The following ENDOU variants were observed in gnomAD, a reference collection of about 807,000 sequenced individuals.
ENDOU encodes uridylate-specific endoribonuclease.
ENDOU carries 49 observed loss-of-function variants against 54.2 expected under a neutral mutation model. The ratio of observed to expected loss-of-function variants is 0.90; its 90% CI spans 0.72 to 1.15. The LOEUF is 1.15. ENDOU is among the 50% of genes most tolerant of loss of function. The pLI, the probability that ENDOU is intolerant of heterozygous loss-of-function variation, is 0.00. For synonymous variants in ENDOU, 172 were observed against 190.5 expected (o/e 0.90, Z 0.80); for missense variants, 458 against 511.4 (o/e 0.90, Z 1.01).
chr12:47,718,234 G>A (rs1381432219), intron 2 of ENDOU, 40 bp from the exon 3 acceptor site: 1 of 1,515,584 alleles, frequency 6.6e-7, no homozygotes, highest in Non-Finnish European at 9.0e-7. Flanking sequence ...AACAACCTGA[G>A]AATTCCCCTG....
In ENDOU at chr12:47,725,403, C is replaced by A. The variant is rs1348598937; in HGVS notation, c.11G>T (p.Cys4Phe). ...CAGCACGGCCAATACCAGGGAGATG[C>A]AGGCCCTCATGGTGCCCAGTTGGAG... MRA[C>F]ISLVLAVLCG... The change falls in exon 1 of 10, where the codon TGC (cysteine) becomes TTC (phenylalanine). Residue 4 changes from cysteine (C) to phenylalanine (F), a missense_variant. Coordinates refer to ENST00000422538, the MANE Select transcript of ENDOU (RefSeq NM_001172439.2). 6.2e-7 allele frequency: 1 copy of A among 1,614,144 alleles called. No homozygotes were observed. Among genetic ancestry groups the A allele is most frequent in the Admixed American group, 1.7e-5 (1 of 60,026 alleles).
intron 1 of ENDOU, among the ~76,000 whole-genome samples, chr12:47,724,332 C>G (rs1252657798): frequency 6.6e-6 from 1 of 152,190 alleles, no homozygotes; most frequent in African/African-American, 2.4e-5. Context: ...ACTATCTCAT[C>G]CATGGTTGGG....
chr12:47,721,531 G>T (rs868137080), intron 1 of ENDOU, among the ~76,000 whole-genome samples: 1 of 152,030 alleles, frequency 6.6e-6, no homozygotes, highest in Admixed American at 6.6e-5. Flanking sequence ...TTCTCTGCAC[G>T]CTCTTTCCCC....
At chr12:47,723,026 G>T (rs374064965) in intron 1 of ENDOU, among the ~76,000 whole-genome samples, 61 of 152,332 alleles carry the variant, frequency 4.0e-4, no homozygotes, top group African/African-American at 1.4e-3. Flanking sequence ...CAAAGGGAGA[G>T]AATTCAGGCA....
chr12:47,712,732 C>G (rs896810383), intron 7 of ENDOU, 110 bp from the exon 8 acceptor site: 6 of 778,064 alleles, frequency 7.7e-6, no homozygotes, highest in South Asian at 1.7e-5. Flanking sequence ...TCTCTGACTT[C>G]TAGCTGCTTG....
intron 1 of ENDOU, among the ~76,000 whole-genome samples, chr12:47,721,451 A>C (rs1307383981): frequency 6.6e-6 from 1 of 151,878 alleles, no homozygotes; most frequent in African/African-American, 2.4e-5. Flanking sequence ...CCTGCCCCTG[A>C]CCCTCCGCTG....
At chr12:47,723,156 G>A (rs575062390) in intron 1 of ENDOU, among the ~76,000 whole-genome samples, 71 of 152,244 alleles carry the variant, frequency 4.7e-4, no homozygotes, top group Middle Eastern at 3.4e-3. Context: ...GGACGTGCAG[G>A]AGAGCACCCC....
At chr12:47,715,238 T>G (rs1940186188) in intron 6 of ENDOU, among the ~76,000 whole-genome samples, 1 of 152,130 alleles carries the variant, frequency 6.6e-6, no homozygotes, top group Non-Finnish European at 1.5e-5. Context: ...CGGTGGGATA[T>G]GAATTATCAT....
intron 6 of ENDOU, among the ~76,000 whole-genome samples, chr12:47,715,077 A>G (rs559087393): frequency 1.3e-5 from 2 of 152,348 alleles, no homozygotes; most frequent in East Asian, 3.9e-4. Context: ...GAGAGGTCAA[A>G]TAAATTGCCC....
At chr12:47,723,370 G>A (rs1473528385) in intron 1 of ENDOU, among the ~76,000 whole-genome samples, 1 of 152,162 alleles carries the variant, frequency 6.6e-6, no homozygotes, top group Non-Finnish European at 1.5e-5. Context: ...ACTCTGATGA[G>A]TAACTAGTCA....
chr12:47,720,100 C>A (rs140933733), intron 2 of ENDOU: 1 of 152,440 alleles, frequency 6.6e-6, no homozygotes, highest in East Asian at 1.9e-4. Flanking sequence ...GGCTTGACAT[C>A]AAGGCTTTGT....
At chr12:47,720,694 C>A in intron 2 of ENDOU, 59 bp downstream of exon 2, 1 of 1,520,958 alleles carries the variant, frequency 6.6e-7, no homozygotes, top group Non-Finnish European at 8.8e-7. Flanking sequence ...CTGCTGGACA[C>A]CCAGGCCAGT....
In ENDOU at chr12:47,717,346, A is replaced by G. The variant is rs554595812; in HGVS notation, c.382+172T>C. On this transcript the variant is annotated intron_variant, in intron 4 of 9. Transcript: ENST00000422538. ...GAGGCCCTGGTAGTACAGGACAGTG[A>G]GTCCCATCCCTAGAGTTTCTAATTA... The G allele has an allele frequency of 4.7e-5, 35 of 745,826 alleles. 1 individual carries two copies. The African/African-American group carries it at 6.0e-4, about 13-fold the overall frequency. 46.2% of individuals were successfully genotyped at this position (745,826 alleles called of 1,614,324 possible). A position where few individuals can be genotyped will look rare whatever the true frequency, so the allele number is the denominator to read the frequency against.
In ENDOU at chr12:47,710,702, G is replaced by T; in HGVS notation, c.*100C>A. ...AATGCTTCTCATTGCTTTGAGATTT[G>T]GTGATCCCTTCCAGTCCTCTCCCTC... On this transcript the variant is annotated 3_prime_UTR_variant, in exon 10 of 10. Transcript: ENST00000422538. 1 of 789,484 alleles carries T rather than the reference G, an allele frequency of 1.3e-6. No homozygotes were observed. The highest frequency in any genetic ancestry group is 2.2e-6 in the Non-Finnish European group (1 of 448,362). The allele number at this position is 789,484 out of a possible 1,614,324, so 48.9% of individuals were successfully genotyped here. A position where few individuals can be genotyped will look rare whatever the true frequency, so the allele number is the denominator to read the frequency against.
At position 47,710,909 on chromosome 12, in the gene ENDOU, T is replaced by C; in HGVS notation, c.1126A>G (p.Ser376Gly). The change falls in exon 10 of 10, where the codon AGC becomes GGC. Residue 376 changes from serine to glycine, a missense_variant. Coordinates refer to ENST00000422538, the MANE Select transcript of ENDOU (RefSeq NM_001172439.2). ...IARPGKVCQL[S>G]LGGYPLAVRT... Reference sequence around the variant, plus strand: ...ACAGCTAAGGGATATCCTCCCAGGCTTAACTGGCACCTGTGGGGAAAGAGC... The same window carrying C: ...ACAGCTAAGGGATATCCTCCCAGGCCTAACTGGCACCTGTGGGGAAAGAGC... 2 of 1,609,826 alleles carry C rather than the reference T, an allele frequency of 1.2e-6. No homozygotes were observed. The highest frequency in any genetic ancestry group is 1.7e-6 in the Non-Finnish European group (2 of 1,176,394).
intron 1 of ENDOU, 21 bp from the exon 2 acceptor site, chr12:47,720,896 C>A: frequency 6.5e-7 from 1 of 1,535,756 alleles, no homozygotes; most frequent in Admixed American, 2.0e-5. Context: ...TAAAGGTCAC[C>A]AACTCAGCTC....
intron 4 of ENDOU, 68 bp from the exon 5 acceptor site, chr12:47,717,126 G>A (rs1374372437): frequency 2.1e-6 from 3 of 1,409,028 alleles, no homozygotes; most frequent in East Asian, 4.6e-5. Context: ...GAAATTATCT[G>A]TGTACCTCCC....
intron 1 of ENDOU, 136 bp from the exon 2 acceptor site, chr12:47,721,011 T>A: frequency 1.3e-6 from 1 of 777,446 alleles, no homozygotes; most frequent in Non-Finnish European, 2.0e-6. Context: ...AAAGGAGAAG[T>A]ACATCCACAG....
rs368512716 is a variant in ENDOU at position 47,711,605 on chromosome 12, C to T, written c.1115+28G>A. ...AGGACAGCCTGCAGCCCCAGTCTGC[C>T]CCCAGGCCTGGCTGGCCCCATTCTT... On this transcript the variant is annotated intron_variant, in intron 9 of 9. Coordinates refer to ENST00000422538, the MANE Select transcript of ENDOU (RefSeq NM_001172439.2). The T allele has an allele frequency of 8.6e-4, 1,384 of 1,607,462 alleles. 1 individual carries two copies. Among genetic ancestry groups the T allele is most frequent in the Non-Finnish European group, 1.1e-3 (1,290 of 1,177,340 alleles).
Sources: gnomAD v4.1 joint callset for allele counts (sites outside exome capture counted in the v4.1 genomes callset) on GRCh38, gnomAD v4.1.1 for gene constraint, MANE v1.5 for transcripts, NCBI Gene and HGNC (gene_info 2026-07-23, HGNC 2026-07-21) for gene names.